PLXNA2: variants seen among roughly 807,000 people sequenced by gnomAD.
The protein encoded by PLXNA2 is plexin A2, also known as plexin-A2.
PLXNA2 carries 91 observed loss-of-function variants against 193.5 expected under a neutral mutation model. That is an observed-to-expected ratio of 0.47 (90% CI 0.40 to 0.56). PLXNA2 has a LOEUF of 0.56. Ranked by LOEUF, PLXNA2 falls within the 20% of genes least tolerant of loss-of-function variation. The pLI is 0.00. For missense variants in PLXNA2, 1,995 were observed against 2,503.2 expected (o/e 0.80, Z 4.33); for synonymous variants, 997 against 1,027.3 (o/e 0.97, Z 0.56).
rs751893998 is a variant in PLXNA2, at chr1:208,168,723, G to GTTTTTTTTTTTTTTTTTTTTTTTTT, written c.1372-26261_1372-26260insAAAAAAAAAAAAAAAAAAAAAAAAA. On this transcript the variant is annotated intron_variant, in intron 3 of 31. Transcript: ENST00000367033. ...CAAAAAGAAGACAAAGAGTATGCGG[G>GTTTTTTTTTTTTTTTTTTTTTTTTT]GTTTTTTTTTTTTTTTTTTTTTTTT... 8.8e-5 allele frequency among the ~76,000 whole-genome samples: 9 copies of GTTTTTTTTTTTTTTTTTTTTTTTTT among 102,236 alleles called. 3 individuals are homozygous for GTTTTTTTTTTTTTTTTTTTTTTTTT. The highest frequency in any genetic ancestry group is 8.0e-4 in the East Asian group (2 of 2,486). The allele number at this position is 102,236 out of a possible 152,430, so 67.1% of individuals were successfully genotyped here. A position where few individuals can be genotyped will look rare whatever the true frequency, so the allele number is the denominator to read the frequency against.
intron 6 of PLXNA2, among the ~76,000 whole-genome samples, chr1:208,098,174 G>A (rs897934260): frequency 6.6e-6 from 1 of 152,080 alleles, no homozygotes; most frequent in Non-Finnish European, 1.5e-5. Context: ...TCCCCTGTTT[G>A]TTTCCTCAGC....
At chr1:208,031,451 GTTT>G in intron 29 of PLXNA2, 136 bp downstream of exon 29, 1 of 447,912 alleles carries the variant, frequency 2.2e-6, no homozygotes, top group Non-Finnish European at 2.9e-6. Context: ...TATGTGCACT[GTTT>G]GTTCCAGGAG....
At chr1:208,083,288 C>T (rs988243631) in intron 10 of PLXNA2, among the ~76,000 whole-genome samples, 7 of 152,298 alleles carry the variant, frequency 4.6e-5, no homozygotes, top group Middle Eastern at 3.4e-3. Flanking sequence ...CTCTCTTGTG[C>T]TGATCCCACA....
intron 22 of PLXNA2, among the ~76,000 whole-genome samples, chr1:208,040,869 G>A (rs1055582962): frequency 6.6e-6 from 1 of 152,194 alleles, no homozygotes; most frequent in Non-Finnish European, 1.5e-5. Context: ...CCATCCCAGG[G>A]CTACAGATCT....
intron 1 of PLXNA2, among the ~76,000 whole-genome samples, chr1:208,241,434 C>T (rs560874204): frequency 6.6e-6 from 1 of 152,322 alleles, no homozygotes; most frequent in South Asian, 2.1e-4. Context: ...ACATAAGACA[C>T]TGCCATACTC....
intron 1 of PLXNA2, among the ~76,000 whole-genome samples, chr1:208,231,561 A>C (rs1671693946): frequency 6.6e-6 from 1 of 152,166 alleles, no homozygotes; most frequent in Non-Finnish European, 1.5e-5. Context: ...TGCCCTTCGG[A>C]AAAACCTTTC....
At chr1:208,218,095 C>T (rs775924699) in intron 1 of PLXNA2, 93 bp from the exon 2 acceptor site, 43 of 1,014,306 alleles carry the variant, frequency 4.2e-5, no homozygotes, top group Middle Eastern at 2.6e-4. Context: ...CCTGGTTTAG[C>T]TCTGTGAGTC....
Position 208,084,433 on chromosome 1 carries a change from G to T in PLXNA2, c.2245C>A (p.Arg749=). 6.2e-7 allele frequency: 1 copy of T among 1,614,280 alleles called. No homozygotes were observed. The highest frequency in any genetic ancestry group is 8.5e-7 in the Non-Finnish European group (1 of 1,180,046). ...CTGTTGAAGCGCAGAGCGGGGACCC[G>T]GTGGATGGCTCCTTGTATGTTGAGG... The part of the protein sequence containing the change: ...CVLNIQGAIH[R]VPALRFNSSS... Residue 749 remains arginine, a synonymous_variant, in exon 10 of 32, where the codon CGG becomes AGG. Coordinates refer to ENST00000367033, the MANE Select transcript of PLXNA2 (RefSeq NM_025179.4).
intron 3 of PLXNA2, among the ~76,000 whole-genome samples, chr1:208,204,702 C>A (rs530708298): frequency 6.6e-6 from 1 of 152,316 alleles, no homozygotes; most frequent in Non-Finnish European, 1.5e-5. Context: ...TAATGTGTAT[C>A]TGGCAGTGGG....
intron 4 of PLXNA2, among the ~76,000 whole-genome samples, chr1:208,108,416 G>A (rs142018473): frequency 8.0e-4 from 122 of 152,332 alleles, no homozygotes; most frequent in African/African-American, 2.7e-3. Context: ...CCCATCAGGA[G>A]CAGACACATC....
At chr1:208,131,291 C>G (rs541886348) in intron 4 of PLXNA2, among the ~76,000 whole-genome samples, 9 of 152,194 alleles carry the variant, frequency 5.9e-5, no homozygotes, top group African/African-American at 2.2e-4. Flanking sequence ...CTACAGAAAC[C>G]GTCCTAGTCA....
At chr1:208,061,213 G>A (rs1037351832) in intron 12 of PLXNA2, among the ~76,000 whole-genome samples, 1 of 152,156 alleles carries the variant, frequency 6.6e-6, no homozygotes, top group Non-Finnish European at 1.5e-5. Flanking sequence ...TGTGAAGGGG[G>A]TATAATCATT....
At chr1:208,182,317 C>T (rs1669869914) in intron 3 of PLXNA2, among the ~76,000 whole-genome samples, 1 of 152,156 alleles carries the variant, frequency 6.6e-6, no homozygotes, top group African/African-American at 2.4e-5. Flanking sequence ...CCTATAATCC[C>T]AGCTACTTAG....
At chr1:208,079,558 T>C (rs1424266386) in intron 11 of PLXNA2, 108 bp from the exon 12 acceptor site, 1 of 755,036 alleles carries the variant, frequency 1.3e-6, no homozygotes, top group African/African-American at 1.7e-5. Flanking sequence ...CCACCATGGA[T>C]AACACCACCA....
intron 4 of PLXNA2, among the ~76,000 whole-genome samples, chr1:208,109,067 G>A (rs1201025937): frequency 6.6e-6 from 1 of 152,316 alleles, no homozygotes; most frequent in African/African-American, 2.4e-5. Flanking sequence ...TGGTACACCT[G>A]TCCTCACACG....
intron 17 of PLXNA2, 101 bp downstream of exon 17, chr1:208,050,908 T>C: frequency 1.3e-6 from 1 of 798,146 alleles, no homozygotes; most frequent in South Asian, 1.5e-5. Context: ...TCCTCTCCAG[T>C]ATTCAGAGGC....
At chr1:208,164,763 C>T (rs932440390) in intron 3 of PLXNA2, among the ~76,000 whole-genome samples, 7 of 152,186 alleles carry the variant, frequency 4.6e-5, no homozygotes, top group South Asian at 4.1e-4. Context: ...AGTCCGGCAG[C>T]GGCTCCCTGG....
At chr1:208,171,986 A>C (rs1279007446) in intron 3 of PLXNA2, among the ~76,000 whole-genome samples, 1 of 148,732 alleles carries the variant, frequency 6.7e-6, no homozygotes, top group African/African-American at 2.5e-5. Flanking sequence ...ACATCTTAGC[A>C]GTTATTACAT....
At chr1:208,079,748 T>C (rs1474934091) in intron 11 of PLXNA2, among the ~76,000 whole-genome samples, 1 of 152,164 alleles carries the variant, frequency 6.6e-6, no homozygotes, top group Non-Finnish European at 1.5e-5. Context: ...TCCACCTCCT[T>C]GAACCTCACT....
Sources: allele counts gnomAD v4.1 joint callset (sites outside exome capture counted in the v4.1 genomes callset), GRCh38; gene constraint gnomAD v4.1.1; transcripts MANE v1.5; gene names NCBI Gene and HGNC (gene_info 2026-07-23, HGNC 2026-07-21).